The following DNMT1 variants were observed in gnomAD, a reference collection of about 807,000 sequenced individuals.
DNMT1 encodes the protein DNA methyltransferase 1.
In DNMT1, 24 loss-of-function variants were observed where a neutral mutation model predicts 205.3. The observed-to-expected ratio is 0.12, with a 90% CI of 0.08 to 0.16. The LOEUF (loss-of-function observed/expected upper bound fraction) is 0.16. Among genes scored for constraint, DNMT1 ranks in the 10% least tolerant of loss-of-function variants. DNMT1 has a pLI of 1.00. For synonymous variants in DNMT1, 817 were observed against 839.8 expected (o/e 0.97, Z 0.47); for missense variants, 1,293 against 2,177.7 (o/e 0.59, Z 8.09).
chr19:10,139,588 G>C, intron 34 of DNMT1, 88 bp downstream of exon 34: 1 of 1,546,170 alleles, frequency 6.5e-7, no homozygotes, highest in Non-Finnish European at 8.7e-7. Flanking sequence ...CTATGCCATT[G>C]AACCCTGCCT....
chr19:10,172,087 C>T (rs1353661057), intron 9 of DNMT1, among the ~76,000 whole-genome samples: 3 of 151,870 alleles, frequency 2.0e-5, no homozygotes, highest in Non-Finnish European at 2.9e-5. Context: ...TCATAACCCA[C>T]CTTCCATGTA....
Position 10,180,244 on chromosome 19 carries a change from AGAGGTTACAGTGAGCC to A in DNMT1, c.446-26_446-11del. 1.5e-6 allele frequency: 2 copies of A among 1,373,588 alleles called. No homozygotes were observed. The highest frequency in any genetic ancestry group is 2.0e-6 in the Non-Finnish European group (2 of 991,320). 85.1% of individuals were successfully genotyped at this position (1,373,588 alleles called of 1,614,324 possible). ...GGAGGGTCTCTTGAACCTGGGAGGC[AGAGGTTACAGTGAGCC>A]GAGGTTACACCACTGTGCTCCAGAC... is the stretch of plus-strand genomic sequence containing the variant. On this transcript the variant is annotated splice_polypyrimidine_tract_variant and intron_variant, in intron 4 of 40. Transcript: ENST00000359526.
At chr19:10,152,408 C>T (rs1235149933) in intron 22 of DNMT1, among the ~76,000 whole-genome samples, 1 of 151,270 alleles carries the variant, frequency 6.6e-6, no homozygotes, top group East Asian at 1.9e-4. Context: ...AGATGGATCA[C>T]TTGAGTCCAA....
rs1450319077 is a variant in DNMT1 at position 10,175,635 on chromosome 19, G to A, written c.570-17C>T. 6.2e-6 allele frequency: 10 copies of A among 1,613,912 alleles called. No homozygotes were observed. Among genetic ancestry groups the A allele is most frequent in the Non-Finnish European group, 7.6e-6 (9 of 1,179,826 alleles). On this transcript the variant is annotated splice_polypyrimidine_tract_variant and intron_variant, in intron 6 of 40. Transcript: ENST00000359526. ...TTGGCAGGGCTGTCACACACAGTGA[G>A]GCCAACCATTAGTGGAACAAGACCC...
chr19:10,186,931 T>A (rs2039196872), intron 1 of DNMT1, among the ~76,000 whole-genome samples: 1 of 146,838 alleles, frequency 6.8e-6, no homozygotes, highest in African/African-American at 2.5e-5. Flanking sequence ...AGAGAAAGGG[T>A]ATAACAGCCT....
intron 6 of DNMT1, among the ~76,000 whole-genome samples, 170 bp from the exon 7 acceptor site, chr19:10,175,788 C>G (rs1017077186): frequency 6.6e-6 from 1 of 152,176 alleles, no homozygotes; most frequent in African/African-American, 2.4e-5. Flanking sequence ...TAAGAAATCA[C>G]GGGTCTAAAC....
Position 10,140,354 on chromosome 19 carries a change from C to T in DNMT1, c.3524-26G>A. On this transcript the variant is annotated intron_variant, in intron 32 of 40. Transcript: ENST00000359526. The surrounding 1 kb of genome is among the most constrained non-coding windows in gnomAD (Gnocchi z 8.4). ...CTGGCAGATCAAGCACGAAGCCATG[C>T]TTTCAACTCTCCAGAAGATTTTTTT... The T allele has an allele frequency of 6.2e-7, 1 of 1,611,986 alleles. No homozygotes were observed. Among genetic ancestry groups the T allele is most frequent in the Non-Finnish European group, 8.5e-7 (1 of 1,179,852 alleles).
At chr19:10,135,647 G>T in intron 39 of DNMT1, 89 bp downstream of exon 39, 2 of 1,416,096 alleles carry the variant, frequency 1.4e-6, no homozygotes, top group South Asian at 2.4e-5. Flanking sequence ...GCGTCCTCCC[G>T]GAAGTGACTG....
Position 10,151,862 on chromosome 19 carries a change from T to C in DNMT1, c.2020-15A>G, listed in dbSNP as rs1191091050. On this transcript the variant is annotated splice_polypyrimidine_tract_variant and intron_variant, in intron 22 of 40. Transcript: ENST00000359526. This position sits in a 1 kb window ranked among gnomAD's most constrained non-coding sequence, Gnocchi z 5.0. ...TGCTGACACACCTAAAAAATGGCAT[T>C]AAAAAGGCAAATCAGGGCTGGGCAC... The C allele has an allele frequency of 1.9e-6, 3 of 1,613,298 alleles. No homozygotes were observed. Among genetic ancestry groups the C allele is most frequent in the Non-Finnish European group, 2.5e-6 (3 of 1,179,488 alleles).
chr19:10,146,625 GAAA>G lies in DNMT1; in HGVS notation c.2721-104_2721-102del. On this transcript the variant is annotated intron_variant, in intron 27 of 40. Coordinates refer to ENST00000359526, the MANE Select transcript of DNMT1 (RefSeq NM_001130823.3). The surrounding 1 kb of genome is among the most constrained non-coding windows in gnomAD (Gnocchi z 4.4). ...ATCCAGAGACTCTGGTAACCAAGAG[GAAA>G]AAACATTTGCAGATGCTAGAAGGAA... 1 of 1,476,572 alleles carries G rather than the reference GAAA, an allele frequency of 6.8e-7. No homozygotes were observed. Among genetic ancestry groups the G allele is most frequent in the Non-Finnish European group, 9.3e-7 (1 of 1,080,734 alleles). The allele number at this position is 1,476,572 out of a possible 1,614,324, so 91.5% of individuals were successfully genotyped here. A position where few individuals can be genotyped will look rare whatever the true frequency, so the allele number is the denominator to read the frequency against.
rs1599375876 is a variant in DNMT1 at position 10,162,872 on chromosome 19, T to C, written c.927-124A>G. On this transcript the variant is annotated intron_variant, in intron 12 of 40. Transcript: ENST00000359526. ...AAGCAAGATACCCATGGGAGCTCTA[T>C]AGGCACACTGCCAGCTTGTCATCCC... The C allele has an allele frequency of 9.9e-6, 10 of 1,013,914 alleles. No individual in the cohort carries two copies. The South Asian group carries it at 1.3e-4, about 14-fold the overall frequency. 62.8% of individuals were successfully genotyped at this position (1,013,914 alleles called of 1,614,324 possible).
At chr19:10,142,300 G>A (rs1209830164) in intron 29 of DNMT1, 80 bp from the exon 30 acceptor site, 1 of 1,599,174 alleles carries the variant, frequency 6.3e-7, no homozygotes, top group East Asian at 2.2e-5. Context: ...TGTTCCTGGG[G>A]TGCTCAGGGA....
intron 1 of DNMT1, among the ~76,000 whole-genome samples, chr19:10,183,125 A>AT (rs201154797): frequency 0.11 from 12,527 of 117,416 alleles, 798 homozygotes; most frequent in East Asian, 0.23. Context: ...ATATATATAT[A>AT]TTTTTTTTTT....
chr19:10,184,144 C>A (rs2039133123), intron 1 of DNMT1, among the ~76,000 whole-genome samples: 1 of 152,180 alleles, frequency 6.6e-6, no homozygotes, highest in African/African-American at 2.4e-5. Context: ...CCAGTTGGGT[C>A]TGACAACAGC....
At chr19:10,148,497 A>G (rs1260006353) in intron 27 of DNMT1, among the ~76,000 whole-genome samples, 8 of 149,520 alleles carry the variant, frequency 5.4e-5, no homozygotes, top group Admixed American at 1.3e-4. Flanking sequence ...CTCCGTCTCA[A>G]AAAAAAAAAA....
chr19:10,194,438 T>G, intron 1 of DNMT1: 2 of 164,418 alleles, frequency 1.2e-5, no homozygotes, highest in Non-Finnish European at 2.6e-5. Flanking sequence ...CCGAGGGGTG[T>G]CCGTTGGCCG....
intron 3 of DNMT1, 81 bp from the exon 4 acceptor site, chr19:10,180,650 T>G: frequency 3.5e-6 from 5 of 1,415,314 alleles, no homozygotes; most frequent in Non-Finnish European, 5.0e-6. Flanking sequence ...GTTTCCTTCA[T>G]CATCATCATC....
chr19:10,133,670 G>A lies in DNMT1; in HGVS notation c.4896C>T (p.Asp1632=). Residue 1632 remains aspartate (D), a synonymous_variant, in exon 41 of 41, where the codon GAC becomes GAT. Transcript: ENST00000359526. This position sits in a 1 kb window ranked among gnomAD's most constrained non-coding sequence, Gnocchi z 4.1. ...AKIKEEEAAK[D] is the part of the protein sequence containing the mutation. ...CAGGGGTGACGGGAGGGCAGAACTAGTCCTTAGCAGCTTCCTCCTCCTTTA... is the reference window on the plus strand; with the variant it reads ...CAGGGGTGACGGGAGGGCAGAACTAATCCTTAGCAGCTTCCTCCTCCTTTA... 1 of 1,599,626 alleles carries A rather than the reference G, an allele frequency of 6.3e-7. No homozygotes were observed.
At chr19:10,172,633 G>A (rs891666858) in intron 9 of DNMT1, among the ~76,000 whole-genome samples, 1 of 151,900 alleles carries the variant, frequency 6.6e-6, no homozygotes, top group Non-Finnish European at 1.5e-5. Context: ...AGATCAGCCT[G>A]GCCAACACAG....
Sources: allele counts gnomAD v4.1 joint callset (sites outside exome capture counted in the v4.1 genomes callset), GRCh38; gene constraint gnomAD v4.1.1; non-coding constraint Gnocchi (gnomAD v3.1); transcripts MANE v1.5; gene names NCBI Gene and HGNC (gene_info 2026-07-23, HGNC 2026-07-21).